The following TRADD variants were observed in gnomAD, a reference collection of about 807,000 sequenced individuals.
TRADD encodes tumor necrosis factor receptor type 1-associated DEATH domain protein.
TRADD carries 14 observed loss-of-function variants against 31.5 expected under a neutral mutation model. The ratio of observed to expected loss-of-function variants is 0.44; its 90% CI spans 0.29 to 0.69. TRADD has a LOEUF of 0.69. Among genes scored for constraint, TRADD ranks in the 30% least tolerant of loss-of-function variants. The pLI is 0.11. For synonymous variants in TRADD, 220 were observed against 215.8 expected (o/e 1.02, Z -0.17); for missense variants, 388 against 435.7 (o/e 0.89, Z 0.97).
Position 67,156,203 on chromosome 16 carries a change from C to A in TRADD, c.151+307G>T, listed in dbSNP as rs1331814954. The stretch of plus-strand genomic sequence containing the variant: ...GAGGGGTCTTGAGCAAGGAGTGCTG[C>A]AGTAAGAGAGGAAAAGAGGAGAGAG... On this transcript the variant is annotated intron_variant, in intron 2 of 4. Coordinates refer to ENST00000345057, the MANE Select transcript of TRADD (RefSeq NM_003789.4). The surrounding 1 kb of genome is among the most constrained non-coding windows in gnomAD (Gnocchi z 4.6). The A allele has an allele frequency of 7.0e-7, 1 of 1,426,704 alleles. No individual in the cohort carries two copies. Among genetic ancestry groups the A allele is most frequent in the South Asian group, 1.2e-5 (1 of 81,948 alleles). The allele number at this position is 1,426,704 out of a possible 1,614,324, so 88.4% of individuals were successfully genotyped here. A position where few individuals can be genotyped will look rare whatever the true frequency, so the allele number is the denominator to read the frequency against.
Position 67,159,698 on chromosome 16 carries a change from G to C in TRADD, c.-9+140C>G, listed in dbSNP as rs1047683905. 20 of 152,502 alleles carry C rather than the reference G, an allele frequency of 1.3e-4. No individual in the cohort carries two copies. The highest frequency in any genetic ancestry group is 4.8e-4 in the African/African-American group (20 of 41,578). The allele number at this position is 152,502 out of a possible 1,614,324, so 9.4% of individuals were successfully genotyped here. On this transcript the variant is annotated intron_variant, in intron 1 of 4. Coordinates refer to ENST00000345057, the MANE Select transcript of TRADD (RefSeq NM_003789.4). This position sits in a 1 kb window ranked among gnomAD's most constrained non-coding sequence, Gnocchi z 6.8. ...CCGTCCCCCGCCTCCCACGGTGTTC[G>C]AACAGCTCAGTAGACCGCCGCCACC...
chr16:67,156,454 C>T lies in TRADD; in HGVS notation c.151+56G>A. The T allele has an allele frequency of 5.0e-6, 8 of 1,602,338 alleles. No individual in the cohort carries two copies. Among genetic ancestry groups the T allele is most frequent in the Non-Finnish European group, 5.9e-6 (7 of 1,179,770 alleles). ...TTAAAGGTGGCTAAACCCAGGCCCA[C>T]CCACAAAATGCTCCAGGCCACCCCT... On this transcript the variant is annotated intron_variant, in intron 2 of 4. Coordinates refer to ENST00000345057, the MANE Select transcript of TRADD (RefSeq NM_003789.4). The surrounding 1 kb of genome is among the most constrained non-coding windows in gnomAD (Gnocchi z 4.6).
rs529322253 is a variant in TRADD, at chr16:67,155,179, G to A, written c.545C>T (p.Pro182Leu). Reference protein sequence around the residue: ...DGEVASAPLQPPVPSLSEVKP... With the variant: ...DGEVASAPLQLPVPSLSEVKP... ...CACCTCCGACAGAGAGGGCACCGGG[G>A]GCTGCAAGGGGGCCGAAGCGACCTC... is the stretch of plus-strand genomic sequence containing the variant. The change falls in exon 4 of 5, where the codon CCC becomes CTC. Residue 182 changes from proline (P) to leucine (L), a missense_variant. Transcript: ENST00000345057. The A allele has an allele frequency of 3.8e-6, 6 of 1,565,758 alleles. No homozygotes were observed. In the African/African-American group the frequency reaches 4.1e-5, roughly 11 times the overall value.
chr16:67,154,539 A>T lies in TRADD; in HGVS notation c.*110T>A, dbSNP rs1214160801. On this transcript the variant is annotated 3_prime_UTR_variant, in exon 5 of 5. Coordinates refer to ENST00000345057, the MANE Select transcript of TRADD (RefSeq NM_003789.4). This position sits in a 1 kb window ranked among gnomAD's most constrained non-coding sequence, Gnocchi z 5.2. Reference sequence around the variant, plus strand: ...AACTCTGCCCCAGCAGGTCCAGCAGATAGGCCAAGTGGAGTTTCAGGGTCC... The same window carrying T: ...AACTCTGCCCCAGCAGGTCCAGCAGTTAGGCCAAGTGGAGTTTCAGGGTCC... The T allele has an allele frequency of 7.3e-7, 1 of 1,369,092 alleles. No homozygotes were observed. Among genetic ancestry groups the T allele is most frequent in the Admixed American group, 2.0e-5 (1 of 50,514 alleles). 84.8% of individuals were successfully genotyped at this position (1,369,092 alleles called of 1,614,324 possible). A position where few individuals can be genotyped will look rare whatever the true frequency, so the allele number is the denominator to read the frequency against.
In TRADD at chr16:67,155,297, A is replaced by T. The variant is rs767468074; in HGVS notation, c.430-3T>A. The T allele has an allele frequency of 6.2e-7, 1 of 1,610,460 alleles. No homozygotes were observed. The highest frequency in any genetic ancestry group is 8.5e-7 in the Non-Finnish European group (1 of 1,179,542). On this transcript the variant is annotated splice_polypyrimidine_tract_variant and splice_region_variant and intron_variant, in intron 3 of 4. Coordinates refer to ENST00000345057, the MANE Select transcript of TRADD (RefSeq NM_003789.4). The stretch of plus-strand genomic sequence containing the variant: ...TCTTCATCCCGGAGCCGGTCGGGCT[A>T]GGGGAATGGAACGTGCCGTCACGGG...
chr16:67,158,537 G>C (rs2030783396), intron 1 of TRADD, among the ~76,000 whole-genome samples: 1 of 148,980 alleles, frequency 6.7e-6, no homozygotes, highest in Admixed American at 6.7e-5. Flanking sequence ...GTAACAGGAA[G>C]TTTGCATTTT....
rs993981279 is a variant in TRADD at position 67,156,149 on chromosome 16, A to C, written c.151+361T>G. On this transcript the variant is annotated intron_variant, in intron 2 of 4. Coordinates refer to ENST00000345057, the MANE Select transcript of TRADD (RefSeq NM_003789.4). The surrounding 1 kb of genome is among the most constrained non-coding windows in gnomAD (Gnocchi z 4.6). ...CTGTGGCCTCTGCCCTGAGATGGGA[A>C]AGGGGGGCCTGGAAGGGTAGGTACT... 7.3e-7 allele frequency: 1 copy of C among 1,363,784 alleles called. No individual in the cohort carries two copies. The highest frequency in any genetic ancestry group is 4.2e-5 in the East Asian group (1 of 23,982). The allele number at this position is 1,363,784 out of a possible 1,614,324, so 84.5% of individuals were successfully genotyped here.
chr16:67,154,550 G>A lies in TRADD; in HGVS notation c.*99C>T. 2 of 1,439,060 alleles carry A rather than the reference G, an allele frequency of 1.4e-6. No homozygotes were observed. Among genetic ancestry groups the A allele is most frequent in the Middle Eastern group, 3.9e-4 (2 of 5,190 alleles). The allele number at this position is 1,439,060 out of a possible 1,614,324, so 89.1% of individuals were successfully genotyped here. On this transcript the variant is annotated 3_prime_UTR_variant, in exon 5 of 5. Coordinates refer to ENST00000345057, the MANE Select transcript of TRADD (RefSeq NM_003789.4). This position sits in a 1 kb window ranked among gnomAD's most constrained non-coding sequence, Gnocchi z 5.2. ...AGCAGGTCCAGCAGATAGGCCAAGT[G>A]GAGTTTCAGGGTCCCGTGGATGGAC...
In TRADD at chr16:67,159,093, G is replaced by GC. The variant is rs567908558; in HGVS notation, c.-9+744dup. On this transcript the variant is annotated intron_variant, in intron 1 of 4. Transcript: ENST00000345057. This position sits in a 1 kb window ranked among gnomAD's most constrained non-coding sequence, Gnocchi z 6.8. ...GAGTTAACAGGGTAAAGAGGCCAGG[G>GC]CCCTAGTTTCGCATCCGCCGACTGG... Among the ~76,000 whole-genome samples, 91 of 152,334 alleles carry GC rather than the reference G, an allele frequency of 6.0e-4. 1 individual carries two copies. Among genetic ancestry groups the GC allele is most frequent in the African/African-American group, 2.1e-3 (87 of 41,572 alleles).
chr16:67,154,593 C>G lies in TRADD; in HGVS notation c.*56G>C. 1.3e-6 allele frequency: 2 copies of G among 1,576,238 alleles called. No individual in the cohort carries two copies. The highest frequency in any genetic ancestry group is 8.6e-7 in the Non-Finnish European group (1 of 1,162,604). On this transcript the variant is annotated 3_prime_UTR_variant, in exon 5 of 5. Transcript: ENST00000345057. The surrounding 1 kb of genome is among the most constrained non-coding windows in gnomAD (Gnocchi z 5.2). Reference sequence around the variant, plus strand: ...GGATGGACAGGGGTTCAGCAATAGCCGCAGAAGGAACCCTAAGGCCATCCA... The same window carrying G: ...GGATGGACAGGGGTTCAGCAATAGCGGCAGAAGGAACCCTAAGGCCATCCA...
At position 67,154,987 on chromosome 16, in the gene TRADD, A is replaced by C; in HGVS notation, c.629-28T>G. 1 of 1,599,650 alleles carries C rather than the reference A, an allele frequency of 6.3e-7. No individual in the cohort carries two copies. The highest frequency in any genetic ancestry group is 2.3e-5 in the East Asian group (1 of 43,994). On this transcript the variant is annotated intron_variant, in intron 4 of 4. Coordinates refer to ENST00000345057, the MANE Select transcript of TRADD (RefSeq NM_003789.4). This position sits in a 1 kb window ranked among gnomAD's most constrained non-coding sequence, Gnocchi z 5.2. ...GCAGAGGGAGTGGGGAAACGGGGTG[A>C]GGGCGGGGACCCCCAGCGCCGGTCC...
At chr16:67,158,788 G>T (rs561479324) in intron 1 of TRADD, among the ~76,000 whole-genome samples, 1 of 152,190 alleles carries the variant, frequency 6.6e-6, no homozygotes, top group African/African-American at 2.4e-5. Context: ...GATAAGGGGG[G>T]AGTCCTTCGA....
At chr16:67,158,871 C>A (rs1179353502) in intron 1 of TRADD, among the ~76,000 whole-genome samples, 1 of 152,076 alleles carries the variant, frequency 6.6e-6, no homozygotes, top group Non-Finnish European at 1.5e-5. Context: ...TTTCTGGCCC[C>A]TTGACTTGAG....
At chr16:67,157,544 T>A (rs2030741673) in intron 1 of TRADD, among the ~76,000 whole-genome samples, 1 of 152,142 alleles carries the variant, frequency 6.6e-6, no homozygotes. Context: ...AGTCAAGAGA[T>A]GGAGAAGTGC....
intron 2 of TRADD, 128 bp from the exon 3 acceptor site, chr16:67,155,782 A>G (rs1422654751): frequency 5.2e-5 from 76 of 1,465,658 alleles, no homozygotes; most frequent in Middle Eastern, 2.5e-4. Flanking sequence ...CAGTTACCCC[A>G]GAGTACCCAG....
chr16:67,156,560 T>A lies in TRADD; in HGVS notation c.101A>T (p.His34Leu). 1 of 1,613,790 alleles carries A rather than the reference T, an allele frequency of 6.2e-7. No individual in the cohort carries two copies. The highest frequency in any genetic ancestry group is 8.5e-7 in the Non-Finnish European group (1 of 1,180,002). Residue 34 changes from histidine to leucine, a missense_variant, in exon 2 of 5, where the codon CAC (histidine) becomes CTC (leucine). Transcript: ENST00000345057. The surrounding 1 kb of genome is among the most constrained non-coding windows in gnomAD (Gnocchi z 4.6). ...GTACACTGCCACCTTCTGCTGGGGG[T>A]GCGCGTAGGCATCCGACAGGACCAC... ...DKVVLSDAYA[H>L]PQQKVAVYRA...
chr16:67,157,793 G>A (rs13312723), intron 1 of TRADD, among the ~76,000 whole-genome samples: 5 of 152,050 alleles, frequency 3.3e-5, no homozygotes, highest in East Asian at 3.9e-4. Flanking sequence ...CTGGACCAGC[G>A]GGGGCAAAAT....
At position 67,156,732 on chromosome 16, in the gene TRADD, C is replaced by G; in HGVS notation, c.-8-64G>C. 6.2e-7 allele frequency: 1 copy of G among 1,603,180 alleles called. No individual in the cohort carries two copies. Among genetic ancestry groups the G allele is most frequent in the Non-Finnish European group, 8.5e-7 (1 of 1,177,028 alleles). ...CTCCCTCCACCCTGGAGACAACTAC[C>G]CAGCCCCACGTGGTTCAGCTGTCCC... is the stretch of plus-strand genomic sequence containing the variant. On this transcript the variant is annotated intron_variant, in intron 1 of 4. Coordinates refer to ENST00000345057, the MANE Select transcript of TRADD (RefSeq NM_003789.4). This position sits in a 1 kb window ranked among gnomAD's most constrained non-coding sequence, Gnocchi z 4.6.
intron 4 of TRADD, 51 bp from the exon 5 acceptor site, chr16:67,155,010 T>TGCCCCCC (rs2030614772): frequency 1.4e-5 from 21 of 1,499,338 alleles, no homozygotes; most frequent in East Asian, 2.4e-5. Flanking sequence ...CCAGCGCCGG[T>TGCCCCCC]CCCACCCATC....
Sources: gnomAD v4.1 joint callset for allele counts (sites outside exome capture counted in the v4.1 genomes callset) on GRCh38, gnomAD v4.1.1 for gene constraint, Gnocchi (gnomAD v3.1) non-coding constraint, MANE v1.5 for transcripts, NCBI Gene and HGNC (gene_info 2026-07-23, HGNC 2026-07-21) for gene names.